The following MTHFS variants were observed in gnomAD, a reference collection of about 807,000 sequenced individuals.
MTHFS encodes the protein 5-formyltetrahydrofolate cyclo-ligase.
Under a neutral mutation model 12.7 loss-of-function variants are expected in MTHFS, and 7 were observed. The observed-to-expected ratio is 0.55, with a 90% CI of 0.31 to 1.03. The LOEUF (loss-of-function observed/expected upper bound fraction) is 1.03, where lower values mean the gene tolerates loss of function less well. Ranked by LOEUF, MTHFS falls within the 50% of genes least tolerant of loss-of-function variation. The probability of loss-of-function intolerance (pLI) is 0.05; values close to 1 mark genes in which losing one functional copy is unlikely to be tolerated. For missense variants in MTHFS, 252 were observed against 258.1 expected (o/e 0.98, Z 0.16); for synonymous variants, 100 against 97.1 (o/e 1.03, Z -0.18).
intron 2 of MTHFS, among the ~76,000 whole-genome samples, chr15:79,865,768 A>T (rs1305426918): frequency 2.0e-5 from 3 of 152,208 alleles, no homozygotes; most frequent in Non-Finnish European, 4.4e-5. Context: ...ACAAAAACCA[A>T]CCATGGAGAA....
At chr15:79,866,706 T>G (rs894284444) in intron 2 of MTHFS, among the ~76,000 whole-genome samples, 1 of 152,198 alleles carries the variant, frequency 6.6e-6, no homozygotes, top group African/African-American at 2.4e-5. Context: ...ATCCCAGCAC[T>G]TTGGGAGGCC....
chr15:79,856,881 A>G (rs958774815), intron 2 of MTHFS, among the ~76,000 whole-genome samples: 1 of 152,198 alleles, frequency 6.6e-6, no homozygotes, highest in African/African-American at 2.4e-5. Context: ...AAGAAAAAAA[A>G]GTCTAGCTTA....
rs1055341814 is a variant in MTHFS at position 79,845,101 on chromosome 15, G to C, written c.*109C>G. The C allele has an allele frequency of 5.8e-6, 8 of 1,379,576 alleles. No individual in the cohort carries two copies. Among genetic ancestry groups the C allele is most frequent in the African/African-American group, 2.9e-5 (2 of 69,034 alleles). The allele number at this position is 1,379,576 out of a possible 1,614,324, so 85.5% of individuals were successfully genotyped here. The stretch of plus-strand genomic sequence containing the variant: ...TAATTACAATTTTAAAATGCAGTCT[G>C]TATTCACATTAATGAACAATTTCAA... On this transcript the variant is annotated 3_prime_UTR_variant, in exon 3 of 3. Coordinates refer to ENST00000258874, the MANE Select transcript of MTHFS (RefSeq NM_006441.4).
intron 1 of MTHFS, 95 bp from the exon 2 acceptor site, chr15:79,889,449 C>A (rs2034435670): frequency 5.7e-4 from 458 of 809,202 alleles, no homozygotes; most frequent in Non-Finnish European, 7.3e-4. Flanking sequence ...TCTCCAATTT[C>A]TTTAAATATT....
intron 2 of MTHFS, among the ~76,000 whole-genome samples, chr15:79,870,728 T>C (rs989700379): frequency 1.3e-5 from 2 of 152,226 alleles, no homozygotes; most frequent in African/African-American, 2.4e-5. Context: ...CTCTTCTCTA[T>C]ACTCTATAAT....
chr15:79,894,985 T>A (rs1258326633), intron 1 of MTHFS, among the ~76,000 whole-genome samples: 2 of 152,216 alleles, frequency 1.3e-5, no homozygotes, highest in Non-Finnish European at 2.9e-5. Context: ...ATCCAAATGC[T>A]GCCATTATAC....
At chr15:79,895,998 T>C (rs1425113991) in intron 1 of MTHFS, among the ~76,000 whole-genome samples, 2 of 152,228 alleles carry the variant, frequency 1.3e-5, no homozygotes, top group Admixed American at 6.5e-5. Flanking sequence ...AAAAACTCTT[T>C]AGAACATGCC....
At chr15:79,889,549 G>C (rs2034438326) in intron 1 of MTHFS, among the ~76,000 whole-genome samples, 195 bp from the exon 2 acceptor site, 1 of 152,050 alleles carries the variant, frequency 6.6e-6, no homozygotes, top group African/African-American at 2.4e-5. Context: ...TTGGGACCCA[G>C]CACTTACCTG....
chr15:79,875,854 TAACAC>T (rs2034186053), intron 2 of MTHFS: 1 of 152,026 alleles, frequency 6.6e-6, no homozygotes. Flanking sequence ...AAAACTTAGA[TAACAC>T]AACAGTAAAA....
At chr15:79,863,865 C>G (rs1441066493) in intron 2 of MTHFS, among the ~76,000 whole-genome samples, 4 of 152,206 alleles carry the variant, frequency 2.6e-5, no homozygotes, top group Non-Finnish European at 4.4e-5. Context: ...AAGCATCTCA[C>G]TGATATTTTG....
At chr15:79,848,971 A>C (rs17284795) in intron 2 of MTHFS, among the ~76,000 whole-genome samples, 2,399 of 152,312 alleles carry the variant, frequency 0.016, 22 homozygotes, top group Non-Finnish European at 0.027. Flanking sequence ...AAGTACATAA[A>C]TTTGGCTCAA....
At chr15:79,852,542 C>G (rs147732414) in intron 2 of MTHFS, among the ~76,000 whole-genome samples, 1 of 152,294 alleles carries the variant, frequency 6.6e-6, no homozygotes, top group African/African-American at 2.4e-5. Context: ...TGGGAATATT[C>G]ACACTGAATC....
chr15:79,871,979 C>T (rs1276607806), intron 2 of MTHFS, among the ~76,000 whole-genome samples: 1 of 151,664 alleles, frequency 6.6e-6, no homozygotes, highest in Admixed American at 6.6e-5. Context: ...GTGGTGGCCA[C>T]CTGTAATCCC....
chr15:79,891,155 C>G (rs1046068084), intron 1 of MTHFS, among the ~76,000 whole-genome samples: 1 of 152,160 alleles, frequency 6.6e-6, no homozygotes, highest in African/African-American at 2.4e-5. Flanking sequence ...GACAAAACAG[C>G]AGCAGATCAC....
At position 79,890,438 on chromosome 15, in the gene MTHFS, A is replaced by G. The variant is rs562568249; in HGVS notation, c.118-1084T>C. Among the ~76,000 whole-genome samples the G allele has an allele frequency of 2.0e-5, 3 of 152,110 alleles. No homozygotes were observed. In the South Asian group the frequency reaches 6.2e-4, roughly 32 times the overall value. On this transcript the variant is annotated intron_variant, in intron 1 of 2. Transcript: ENST00000258874. ...GAGACAGGGTTTCACCATGTTGCTC[A>G]GGCTGGTCTCAAACTCCTGAGCTCA... is the stretch of plus-strand genomic sequence containing the variant.
chr15:79,849,236 T>TA lies in MTHFS; in HGVS notation c.380-3795dup, dbSNP rs2033670385. ...CAGGTTGCTCCTGGCCTCAGGTCCT[T>TA]AAGATATACTTCCTAGTCTTCTCCC... On this transcript the variant is annotated intron_variant, in intron 2 of 2. Transcript: ENST00000258874. Among the ~76,000 whole-genome samples the TA allele has an allele frequency of 3.3e-5, 5 of 152,206 alleles. No individual in the cohort carries two copies. In the South Asian group the frequency reaches 1.0e-3, roughly 31 times the overall value.
At chr15:79,868,900 G>A (rs962541456) in intron 2 of MTHFS, among the ~76,000 whole-genome samples, 5 of 151,996 alleles carry the variant, frequency 3.3e-5, no homozygotes, top group African/African-American at 4.8e-5. Flanking sequence ...AGATGTACAC[G>A]CACACACACA....
intron 1 of MTHFS, chr15:79,896,651 A>G (rs2034575186): frequency 1.2e-6 from 1 of 807,464 alleles, no homozygotes; most frequent in Non-Finnish European, 1.8e-6. Context: ...CTTTAGCCCC[A>G]CAACTTTCAC....
At position 79,889,170 on chromosome 15, in the gene MTHFS, A is replaced by G; in HGVS notation, c.302T>C (p.Ile101Thr). Residue 101 changes from isoleucine (I) to threonine (T), a missense_variant, in exon 2 of 3, where the codon ATT (isoleucine) becomes ACT (threonine). Ile to Thr is a moderately conservative substitution (Grantham distance 89). Coordinates refer to ENST00000258874, the MANE Select transcript of MTHFS (RefSeq NM_006441.4). ...DMVRIESPEE[I>T]SLLPKTSWNI... Reference sequence around the variant, plus strand: ...CCAGGATGTTTTGGGAAGTAAAGAAATTTCCTCTGGTGATTCTATTCTCAC... The same window carrying G: ...CCAGGATGTTTTGGGAAGTAAAGAAGTTTCCTCTGGTGATTCTATTCTCAC... 1 of 1,614,124 alleles carries G rather than the reference A, an allele frequency of 6.2e-7. No homozygotes were observed. Among genetic ancestry groups the G allele is most frequent in the Non-Finnish European group, 8.5e-7 (1 of 1,180,022 alleles).
Sources: allele counts gnomAD v4.1 joint callset (sites outside exome capture counted in the v4.1 genomes callset), GRCh38; gene constraint gnomAD v4.1.1; transcripts MANE v1.5; gene names NCBI Gene and HGNC (gene_info 2026-07-23, HGNC 2026-07-21).